Variants in SLC35D1 observed in about 807,000 individuals in gnomAD.
The protein encoded by SLC35D1 is solute carrier family 35 member D1.
SLC35D1 carries 31 observed loss-of-function variants against 46.7 expected under a neutral mutation model. The observed-to-expected ratio is 0.66, with a 90% CI of 0.50 to 0.90. The LOEUF (loss-of-function observed/expected upper bound fraction) is 0.90, where lower values mean the gene tolerates loss of function less well. SLC35D1 is among the 40% of genes least tolerant of loss of function. The pLI, the probability that SLC35D1 is intolerant of heterozygous loss-of-function variation, is 0.00. For synonymous variants in SLC35D1, 195 were observed against 164.6 expected (o/e 1.18, Z -1.41); for missense variants, 397 against 426.2 (o/e 0.93, Z 0.60).
chr1:67,052,420 G>A (rs1645319408), intron 3 of SLC35D1, among the ~76,000 whole-genome samples: 1 of 152,056 alleles, frequency 6.6e-6, no homozygotes, highest in Non-Finnish European at 1.5e-5. Flanking sequence ...TTTCATCTTC[G>A]TTTGGAGTCA....
the SLC35D1 span, among the ~76,000 whole-genome samples, chr1:66,990,923 A>G: frequency 6.6e-6 from 1 of 152,294 alleles, no homozygotes; most frequent in South Asian, 2.1e-4. Flanking sequence ...ATCCAAGCAC[A>G]GTGCCTCTTC....
intron 11 of SLC35D1, among the ~76,000 whole-genome samples, chr1:67,004,978 G>C (rs1667417560): frequency 6.6e-6 from 1 of 152,214 alleles, no homozygotes; most frequent in African/African-American, 2.4e-5. Context: ...TGGGCCGTCA[G>C]CCTATGACAG....
At position 67,052,077 on chromosome 1, in the gene SLC35D1, C is replaced by T. The variant is rs951212510; in HGVS notation, c.327G>A (p.Thr109=). ...PDLDRNVPRK[T]FPLPLLYFGN... ...CAAAATATAGTAGAGGTAGTGGAAA[C>T]GTCTAGAAAATTTAAAAAGGGATAA... Residue 109 remains threonine, a splice_region_variant and synonymous_variant, in exon 4 of 12, where the codon ACG becomes ACA. Coordinates refer to ENST00000235345, the MANE Select transcript of SLC35D1 (RefSeq NM_015139.3). 1.2e-6 allele frequency: 2 copies of T among 1,602,674 alleles called. No individual in the cohort carries two copies. Among genetic ancestry groups the T allele is most frequent in the Non-Finnish European group, 1.7e-6 (2 of 1,169,866 alleles).
chr1:67,043,350 T>G (rs1645217254), intron 7 of SLC35D1, among the ~76,000 whole-genome samples: 1 of 151,460 alleles, frequency 6.6e-6, no homozygotes, highest in South Asian at 2.1e-4. Flanking sequence ...CCAACCTGGG[T>G]AACAGAGCAA....
Position 67,053,334 on chromosome 1 carries a change from T to C in SLC35D1, c.204-345A>G, listed in dbSNP as rs547901596. Among the ~76,000 whole-genome samples the C allele has an allele frequency of 2.0e-5, 3 of 150,924 alleles. No individual in the cohort carries two copies. The South Asian group carries it at 6.3e-4, about 32-fold the overall frequency. On this transcript the variant is annotated intron_variant, in intron 1 of 11. Transcript: ENST00000235345. ...CAACTTCTGCCTCTGGGTCCCAGTG[T>C]TAGCAAGGGAATAATTGTCTGCTGG... is the stretch of plus-strand genomic sequence containing the variant.
chr1:66,973,262 A>G, the SLC35D1 span, among the ~76,000 whole-genome samples: 1 of 152,088 alleles, frequency 6.6e-6, no homozygotes, highest in African/African-American at 2.4e-5. Flanking sequence ...TGGGGTGTGT[A>G]TGTGCAATGC....
rs964691631 is a variant in SLC35D1, at chr1:67,013,157, G to GATATATATATATATATATAT, written c.877-3991_877-3990insATATATATATATATATATAT. ...ATAATTTAAGAACATATATCCTGGA[G>GATATATATATATATATATAT]ATATATATATATCCTGTTCTTAAAT... On this transcript the variant is annotated intron_variant, in intron 10 of 11. Transcript: ENST00000235345. Among the ~76,000 whole-genome samples the GATATATATATATATATATAT allele has an allele frequency of 6.0e-4, 18 of 29,796 alleles. 2 individuals are homozygous for GATATATATATATATATATAT. The highest frequency in any genetic ancestry group is 5.8e-3 in the South Asian group (3 of 516). The allele number at this position is 29,796 out of a possible 152,430, so 19.5% of individuals were successfully genotyped here.
intron 10 of SLC35D1, among the ~76,000 whole-genome samples, chr1:67,012,308 T>C (rs1667582074): frequency 6.6e-6 from 1 of 152,200 alleles, no homozygotes; most frequent in South Asian, 2.1e-4. Context: ...AGACCATCTA[T>C]GATAATTAGA....
At position 67,053,935 on chromosome 1, in the gene SLC35D1, C is replaced by G. The variant is rs1293034733; in HGVS notation, c.79G>C (p.Glu27Gln). Residue 27 changes from glutamate to glutamine, a missense_variant, in exon 1 of 12, where the codon GAG (glutamate) becomes CAG (glutamine). Transcript: ENST00000235345. ...TCGGCCGACGCCATCCCCAGCTCCT[C>G]CTCATCTCGGAGTGTGGAGGATTTC... ...PAKSSTLRDE[E>Q]ELGMASAETL... 4.3e-6 allele frequency: 7 copies of G among 1,613,704 alleles called. No homozygotes were observed. In the East Asian group the frequency reaches 1.3e-4, roughly 31 times the overall value.
At chr1:66,977,773 T>G in the SLC35D1 span, among the ~76,000 whole-genome samples, 65 of 152,228 alleles carry the variant, frequency 4.3e-4, no homozygotes, top group Admixed American at 2.4e-3. Flanking sequence ...TACAGTGCTA[T>G]CCTTAATTAT....
chr1:66,982,012 C>A, the SLC35D1 span: 2 of 1,316,414 alleles, frequency 1.5e-6, no homozygotes, highest in Non-Finnish European at 2.1e-6. Context: ...TATTAAACTT[C>A]CAGAGCAGAA....
the SLC35D1 span, among the ~76,000 whole-genome samples, chr1:66,990,863 C>T: frequency 1.3e-5 from 2 of 152,190 alleles, no homozygotes; most frequent in African/African-American, 4.8e-5. Context: ...CGACAGTAAG[C>T]CTCCTGAAGG....
chr1:67,042,953 T>A (rs1645210969), intron 7 of SLC35D1, among the ~76,000 whole-genome samples: 1 of 151,974 alleles, frequency 6.6e-6, no homozygotes, highest in Non-Finnish European at 1.5e-5. Context: ...ATCCCAGCAC[T>A]TTGGGAGGCT....
At position 67,013,169 on chromosome 1, in the gene SLC35D1, TCCTGTTC is replaced by T. The variant is rs199834188; in HGVS notation, c.877-4009_877-4003del. ...CATATATCCTGGAGATATATATATATCCTGTTCTTAAATTTTTTTTCAGTAGACTAAA... is the reference window on the plus strand; with the variant it reads ...CATATATCCTGGAGATATATATATATTTAAATTTTTTTTCAGTAGACTAAA... On this transcript the variant is annotated intron_variant, in intron 10 of 11. Transcript: ENST00000235345. Among the ~76,000 whole-genome samples the T allele has an allele frequency of 3.9e-3, 523 of 134,686 alleles. 27 individuals are homozygous for T. Among genetic ancestry groups the T allele is most frequent in the African/African-American group, 0.014 (499 of 35,902 alleles). The allele number at this position is 134,686 out of a possible 152,430, so 88.4% of individuals were successfully genotyped here.
chr1:66,977,974 G>A, the SLC35D1 span, among the ~76,000 whole-genome samples: 6 of 151,982 alleles, frequency 3.9e-5, no homozygotes, highest in Non-Finnish European at 8.8e-5. Flanking sequence ...TGAGGCGGGT[G>A]GATCACAAGG....
the SLC35D1 span, chr1:66,976,527 C>T: frequency 0.19 from 273,388 of 1,456,480 alleles, 27,725 homozygotes; most frequent in Non-Finnish European, 0.2. Flanking sequence ...TTTCAAACTT[C>T]AGATGTTTAT....
intron 11 of SLC35D1, chr1:67,008,380 G>T (rs541945643): frequency 1.0e-5 from 13 of 1,278,262 alleles, no homozygotes; most frequent in Middle Eastern, 2.1e-4. Context: ...CTTGTGATCT[G>T]CCCGCCTCAG....
the SLC35D1 span, chr1:66,986,239 C>T: frequency 0.24 from 319,934 of 1,327,158 alleles, 40,338 homozygotes; most frequent in Non-Finnish European, 0.26. Flanking sequence ...AATCATTGCT[C>T]TGTGTGATTA....
rs778638028 is a variant in SLC35D1, at chr1:67,054,061, G to A, written c.-48C>T. 4 of 1,585,996 alleles carry A rather than the reference G, an allele frequency of 2.5e-6. No individual in the cohort carries two copies. The South Asian group carries it at 4.5e-5, about 18-fold the overall frequency. ...TGGCGGCGGGGCCTAGCGGCTCGGGGGCCTGCAGCGGCAGCTCCCAGGGGA... is the reference window on the plus strand; with the variant it reads ...TGGCGGCGGGGCCTAGCGGCTCGGGAGCCTGCAGCGGCAGCTCCCAGGGGA... On this transcript the variant is annotated 5_prime_UTR_variant, in exon 1 of 12. Coordinates refer to ENST00000235345, the MANE Select transcript of SLC35D1 (RefSeq NM_015139.3).
Sources: allele counts gnomAD v4.1 joint callset (sites outside exome capture counted in the v4.1 genomes callset), GRCh38; gene constraint gnomAD v4.1.1; transcripts MANE v1.5; gene names NCBI Gene and HGNC (gene_info 2026-07-23, HGNC 2026-07-21).